The following NDUFAF6 variants were observed in gnomAD, a reference collection of about 807,000 sequenced individuals.
The protein encoded by NDUFAF6 is NADH:ubiquinone oxidoreductase complex assembly factor 6.
In NDUFAF6, 45 loss-of-function variants were observed where a neutral mutation model predicts 40.8. The observed-to-expected ratio is 1.10, with a 90% CI of 0.87 to 1.42. NDUFAF6 has a LOEUF of 1.42. NDUFAF6 is among the 40% of genes most tolerant of loss of function. NDUFAF6 has a pLI of 0.00. For synonymous variants in NDUFAF6, 185 were observed against 155.9 expected, an observed-to-expected ratio of 1.19 and a Z score of -1.39; for missense variants, 435 against 418.5, an observed-to-expected ratio of 1.04 and a Z score of -0.34.
chr8:94,896,263 G>A (rs1465116555), intron 1 of NDUFAF6, among the ~76,000 whole-genome samples: 2 of 147,936 alleles, frequency 1.4e-5, no homozygotes, highest in South Asian at 2.1e-4. Context: ...CGCCTGCCGC[G>A]CCCCGCCCCG....
intron 2 of NDUFAF6, among the ~76,000 whole-genome samples, chr8:94,991,800 C>A (rs931746363): frequency 1.6e-4 from 22 of 140,168 alleles, no homozygotes; most frequent in Admixed American, 7.0e-4. Context: ...TTCTTCGCCC[C>A]CCCCCCCTTT....
At chr8:95,006,745 T>A (rs1041440807) in intron 2 of NDUFAF6, among the ~76,000 whole-genome samples, 1 of 151,982 alleles carries the variant, frequency 6.6e-6, no homozygotes, top group Non-Finnish European at 1.5e-5. Context: ...CTGGGTGTAG[T>A]GGTGCACGCC....
At chr8:95,109,444 G>A (rs1375273429) in intron 4 of NDUFAF6, among the ~76,000 whole-genome samples, 4 of 152,274 alleles carry the variant, frequency 2.6e-5, no homozygotes, top group Admixed American at 2.6e-4. Flanking sequence ...TTCTTCCCAT[G>A]CAGGCTGTTT....
chr8:95,039,345 C>T (rs1829888537), intron 3 of NDUFAF6, among the ~76,000 whole-genome samples: 1 of 151,398 alleles, frequency 6.6e-6, no homozygotes, highest in Non-Finnish European at 1.5e-5. Context: ...CCCAGTTACT[C>T]GGGAGGCTGA....
chr8:94,959,887 C>T (rs987419348), intron 1 of NDUFAF6, among the ~76,000 whole-genome samples: 1 of 152,122 alleles, frequency 6.6e-6, no homozygotes, highest in South Asian at 2.1e-4. Flanking sequence ...CCCCCAGTTT[C>T]GGATGTTTAC....
At chr8:95,066,454 A>T (rs1409590637) in intron 9 of NDUFAF6, among the ~76,000 whole-genome samples, 2 of 152,074 alleles carry the variant, frequency 1.3e-5, no homozygotes, top group Non-Finnish European at 2.9e-5. Context: ...TTTTAAAAAA[A>T]AAGTTCTCCT....
chr8:94,905,596 C>T (rs1489517852), intron 1 of NDUFAF6, among the ~76,000 whole-genome samples: 1 of 152,188 alleles, frequency 6.6e-6, no homozygotes, highest in African/African-American at 2.4e-5. Context: ...AGGCATCCTG[C>T]CCCTTCCTAC....
chr8:95,114,162 T>TC (rs1810076773), intron 4 of NDUFAF6, among the ~76,000 whole-genome samples: 3 of 37,782 alleles, frequency 7.9e-5, no homozygotes, highest in Non-Finnish European at 1.3e-4. Context: ...ATAATAATAA[T>TC]AAAACAAACA....
At chr8:95,089,367 C>G (rs1000794717) in intron 2 of NDUFAF6, among the ~76,000 whole-genome samples, 2 of 152,110 alleles carry the variant, frequency 1.3e-5, no homozygotes, top group African/African-American at 4.8e-5. Flanking sequence ...GCCACCGTAC[C>G]CAGCCTCCAA....
intron 1 of NDUFAF6, among the ~76,000 whole-genome samples, chr8:94,977,540 A>T (rs530378433): frequency 1.3e-5 from 2 of 151,866 alleles, no homozygotes; most frequent in South Asian, 4.2e-4. Flanking sequence ...AAAAAAAAAA[A>T]AAATTGACCT....
chr8:94,948,617 A>G (rs1586765785), intron 2 of NDUFAF6, among the ~76,000 whole-genome samples: 3 of 152,146 alleles, frequency 2.0e-5, no homozygotes, highest in African/African-American at 7.2e-5. Context: ...AGGGGACGGG[A>G]TCGCAGGGCG....
At chr8:94,999,410 C>T (rs1826611744) in intron 2 of NDUFAF6, among the ~76,000 whole-genome samples, 1 of 151,986 alleles carries the variant, frequency 6.6e-6, no homozygotes, top group Non-Finnish European at 1.5e-5. Flanking sequence ...GCGTGAGCTG[C>T]CACACCCAGC....
intron 1 of NDUFAF6, among the ~76,000 whole-genome samples, chr8:94,912,470 C>A (rs1344695998): frequency 1.3e-5 from 2 of 152,080 alleles, no homozygotes; most frequent in African/African-American, 2.4e-5. Flanking sequence ...GTACGAAGAA[C>A]TAATTAGGAC....
At position 95,058,182 on chromosome 8, in the gene NDUFAF6, T is replaced by A. The variant is rs1832427960; in HGVS notation, c.*245T>A. The A allele has an allele frequency of 7.0e-7, 1 of 1,420,942 alleles. No individual in the cohort carries two copies. Among genetic ancestry groups the A allele is most frequent in the African/African-American group, 1.4e-5 (1 of 69,382 alleles). 88.0% of individuals were successfully genotyped at this position (1,420,942 alleles called of 1,614,324 possible). A position where few individuals can be genotyped will look rare whatever the true frequency, so the allele number is the denominator to read the frequency against. On this transcript the variant is annotated 3_prime_UTR_variant, in exon 9 of 9. Coordinates refer to ENST00000396124, the MANE Select transcript of NDUFAF6 (RefSeq NM_152416.4). ...TGTCTGCTGTGCTGTCCCTGGAAGC[T>A]GGAGCTCCAACAGGGAATATTGGTG...
intron 4 of NDUFAF6, 67 bp downstream of exon 4, chr8:95,041,693 A>G (rs1830166799): frequency 3.8e-6 from 5 of 1,308,680 alleles, no homozygotes; most frequent in Non-Finnish European, 4.4e-6. Flanking sequence ...ATTCTTCAAG[A>G]AGGACATTTT....
chr8:94,900,123 T>C (rs1283659100), intron 1 of NDUFAF6, among the ~76,000 whole-genome samples: 2 of 152,146 alleles, frequency 1.3e-5, no homozygotes, highest in Non-Finnish European at 2.9e-5. Context: ...CTCCAACTTA[T>C]GCTTGCCTCT....
upstream of NDUFAF6, among the ~76,000 whole-genome samples, chr8:94,956,488 G>A (rs1199571151): frequency 1.3e-5 from 2 of 152,142 alleles, no homozygotes; most frequent in South Asian, 2.1e-4. Context: ...GAAAGAGACT[G>A]GAGAAGGAGA....
upstream of NDUFAF6, among the ~76,000 whole-genome samples, chr8:95,097,748 C>G (rs186514652): frequency 2.6e-4 from 39 of 152,236 alleles, 1 homozygote; most frequent in East Asian, 5.4e-3. Flanking sequence ...CATCTTCTGC[C>G]TGTATTGGTG....
chr8:94,978,114 A>G (rs1036031844), intron 1 of NDUFAF6, among the ~76,000 whole-genome samples: 1 of 152,090 alleles, frequency 6.6e-6, no homozygotes, highest in African/African-American at 2.4e-5. Context: ...GGGCTCCTGG[A>G]TAGCTTTGGG....
Sources: gnomAD v4.1 joint callset for allele counts (sites outside exome capture counted in the v4.1 genomes callset) on GRCh38, gnomAD v4.1.1 for gene constraint, MANE v1.5 for transcripts, NCBI Gene and HGNC (gene_info 2026-07-23, HGNC 2026-07-21) for gene names.